Variants in CACNA1F observed in about 807,000 individuals in gnomAD.
CACNA1F encodes calcium voltage-gated channel subunit alpha1 F.
In CACNA1F, 59 loss-of-function variants were observed where a neutral mutation model predicts 143.8. That is an observed-to-expected ratio of 0.41 (90% CI 0.33 to 0.51). CACNA1F has a LOEUF of 0.51. Ranked by LOEUF, CACNA1F falls within the 20% of genes least tolerant of loss-of-function variation. CACNA1F has a pLI of 0.22. For synonymous variants in CACNA1F, 643 were observed against 649.1 expected (o/e 0.99, Z 0.14); for missense variants, 1,411 against 1,647.5 (o/e 0.86, Z 2.48).
At chrX:49,222,661 T>G in intron 16 of CACNA1F, 57 bp downstream of exon 16, 4 of 1,208,168 alleles carry the variant, frequency 3.3e-6, no homozygotes, top group Non-Finnish European at 4.5e-6. Context: ...GACCACCCAG[T>G]TCCCCTTACC....
intron 15 of CACNA1F, 25 bp downstream of exon 15, chrX:49,222,904 C>A (rs201607821): frequency 1.7e-6 from 2 of 1,204,636 alleles, no homozygotes; most frequent in Non-Finnish European, 2.2e-6. Flanking sequence ...CCCGACCCAC[C>A]CATCCCATGG....
At chrX:49,213,986 A>AG (rs2065684435) in intron 30 of CACNA1F, 84 bp from the exon 31 acceptor site, 1 of 709,288 alleles carries the variant, frequency 1.4e-6, no homozygotes, top group Non-Finnish European at 2.2e-6. Flanking sequence ...GGGGCGCCGG[A>AG]GGGGGGCAGG....
chrX:49,207,100 C>A lies in CACNA1F; in HGVS notation c.5136G>T (p.Gly1712=), dbSNP rs1557105125. Residue 1712 remains glycine, a synonymous_variant, in exon 44 of 48, where the codon GGG becomes GGT. Transcript: ENST00000323022. The part of the protein sequence containing the change: ...AGSNTHRRGS[G]ALIFTIPEEG... ...CTTCTGGGATGGTGAAAATGAGAGCCCCAGAGCCTCTCCTGGGGAAAGGGA... is the reference window on the plus strand; with the variant it reads ...CTTCTGGGATGGTGAAAATGAGAGCACCAGAGCCTCTCCTGGGGAAAGGGA... The A allele has an allele frequency of 1.7e-6, 2 of 1,175,267 alleles. No homozygotes were observed. The highest frequency in any genetic ancestry group is 2.3e-6 in the Non-Finnish European group (2 of 870,230).
At position 49,208,623 on chromosome X, in the gene CACNA1F, A is replaced by G. The variant is rs1557105471; in HGVS notation, c.5015T>C (p.Val1672Ala). 2 of 1,210,315 alleles carry G rather than the reference A, an allele frequency of 1.7e-6. No homozygotes were observed. Among genetic ancestry groups the G allele is most frequent in the Admixed American group, 2.2e-5 (1 of 45,960 alleles). ...GAGTGAATCTGGAAGTCTGTCCCCGACAGGCAGAGACACAGAAATCCCGGA... is the reference window on the plus strand; with the variant it reads ...GAGTGAATCTGGAAGTCTGTCCCCGGCAGGCAGAGACACAGAAATCCCGGA... ...RGSGISVSLPVGDRLPDSLSF... is the reference protein window; with the variant it reads ...RGSGISVSLPAGDRLPDSLSF... The change falls in exon 43 of 48, where the codon GTC becomes GCC. Residue 1672 changes from valine to alanine, a missense_variant. Physicochemically the swap from Val to Ala is moderately conservative, Grantham distance 64. Around this residue, in one of 3 missense-constraint regions of CACNA1F, gnomAD observed 349 missense variants for 350.2 expected, o/e 1.00. Transcript: ENST00000323022.
chrX:49,227,226 G>T, intron 8 of CACNA1F, 99 bp from the exon 9 acceptor site: 1 of 682,744 alleles, frequency 1.5e-6, no homozygotes, highest in Non-Finnish European at 2.3e-6. Flanking sequence ...CTTTGAATAT[G>T]CCAAGCACAT....
chrX:49,226,212 C>T lies in CACNA1F; in HGVS notation c.1490+5G>A, dbSNP rs1241177088. 2 of 1,204,342 alleles carry T rather than the reference C, an allele frequency of 1.7e-6. No individual in the cohort carries two copies. Among genetic ancestry groups the T allele is most frequent in the Non-Finnish European group, 2.2e-6 (2 of 890,036 alleles). ...TCAAGGATTTGCACAACTTTCCCAACTCACCAGACTCTGGTTTTCATGATC... is the reference window on the plus strand; with the variant it reads ...TCAAGGATTTGCACAACTTTCCCAATTCACCAGACTCTGGTTTTCATGATC... On this transcript the variant is annotated splice_donor_5th_base_variant and intron_variant, in intron 12 of 47. Coordinates refer to ENST00000323022, the MANE Select transcript of CACNA1F (RefSeq NM_001256789.3).
rs782224903 is a variant in CACNA1F at position 49,209,414 on chromosome X, G to C, written c.4822-21C>G. 2.5e-6 allele frequency: 3 copies of C among 1,205,499 alleles called. No individual in the cohort carries two copies. The South Asian group carries it at 5.3e-5, about 21-fold the overall frequency. On this transcript the variant is annotated intron_variant, in intron 41 of 47. Transcript: ENST00000323022. ...CCAGCCTGTGGGGGTGGAGAAATAGGTAAGCAGGCAGCTCAGGGTCTGAAC... is the reference window on the plus strand; with the variant it reads ...CCAGCCTGTGGGGGTGGAGAAATAGCTAAGCAGGCAGCTCAGGGTCTGAAC...
intron 43 of CACNA1F, 100 bp downstream of exon 43, chrX:49,208,415 T>TTCTTC: frequency 7.2e-6 from 1 of 138,734 alleles, no homozygotes; most frequent in African/African-American, 6.7e-5. Context: ...CTCTAGGCCC[T>TTCTTC]CCCTCCCACC....
At chrX:49,209,467 T>C in intron 41 of CACNA1F, 74 bp from the exon 42 acceptor site, 1 of 1,148,189 alleles carries the variant, frequency 8.7e-7, no homozygotes, top group Admixed American at 2.2e-5. Context: ...TGCAGGCGGG[T>C]AGGGTGGGGG....
Position 49,219,591 on chromosome X carries a change from C to T in CACNA1F, c.2543+43G>A, listed in dbSNP as rs1557108344. ...TGCTCCTCCATGCTCCTCCACCTGC[C>T]CTAGCCCCTCCTGCCTCACCCCCTG... is the stretch of plus-strand genomic sequence containing the variant. On this transcript the variant is annotated intron_variant, in intron 20 of 47. Coordinates refer to ENST00000323022, the MANE Select transcript of CACNA1F (RefSeq NM_001256789.3). 9 of 1,179,937 alleles carry T rather than the reference C, an allele frequency of 7.6e-6. No homozygotes were observed. The South Asian group carries it at 1.5e-4, about 20-fold the overall frequency.
chrX:49,209,159 T>C (rs782357655), intron 42 of CACNA1F, 103 bp downstream of exon 42: 92 of 988,027 alleles, frequency 9.3e-5, no homozygotes, highest in Non-Finnish European at 1.3e-4. Flanking sequence ...CAGAGGGGGC[T>C]TCTCTGGGGG....
intron 43 of CACNA1F, among the ~76,000 whole-genome samples, chrX:49,207,588 G>T (rs782152717): frequency 9.2e-6 from 1 of 109,206 alleles, no homozygotes; most frequent in African/African-American, 3.3e-5. Flanking sequence ...GTGCCACCAT[G>T]CTCGGCTATT....
chrX:49,226,828 T>C (rs1557110111), intron 9 of CACNA1F, 126 bp from the exon 10 acceptor site: 1 of 1,012,570 alleles, frequency 9.9e-7, no homozygotes, highest in African/African-American at 1.9e-5. Flanking sequence ...TTTTGAGCCA[T>C]AACTTGGGGG....
At chrX:49,224,706 G>T in intron 14 of CACNA1F, 55 bp downstream of exon 14, 1 of 729,805 alleles carries the variant, frequency 1.4e-6, no homozygotes, top group Non-Finnish European at 2.1e-6. Context: ...GAGCTTGGGT[G>T]GGGGTGTTGA....
intron 43 of CACNA1F, among the ~76,000 whole-genome samples, chrX:49,207,741 T>C (rs2065612823): frequency 1.8e-5 from 2 of 110,251 alleles, no homozygotes; most frequent in African/African-American, 3.3e-5. Context: ...AGCTAGACAC[T>C]CTGAAATTTT....
At chrX:49,209,473 G>C (rs1461361323) in intron 41 of CACNA1F, 80 bp from the exon 42 acceptor site, 17 of 1,128,316 alleles carry the variant, frequency 1.5e-5, no homozygotes, top group Middle Eastern at 3.2e-4. Context: ...CGGGTAGGGT[G>C]GGGGAAGGAG....
Position 49,226,928 on chromosome X carries a change from G to A in CACNA1F, c.1276+42C>T. ...CATGCAGGGAATGGGCCAGATTGGA[G>A]TTGCCTACGATGGCCCGCCCGGCCC... On this transcript the variant is annotated intron_variant, in intron 9 of 47. Coordinates refer to ENST00000323022, the MANE Select transcript of CACNA1F (RefSeq NM_001256789.3). 2 of 1,209,955 alleles carry A rather than the reference G, an allele frequency of 1.7e-6. No homozygotes were observed. The highest frequency in any genetic ancestry group is 1.8e-5 in the South Asian group (1 of 56,762).
intron 19 of CACNA1F, 73 bp from the exon 20 acceptor site, chrX:49,219,863 C>T (rs1186988515): frequency 4.8e-6 from 3 of 628,155 alleles, no homozygotes; most frequent in Middle Eastern, 3.6e-4. Context: ...GTGTTTGCCA[C>T]GTGGTCAATT....
chrX:49,226,241 T>C lies in CACNA1F; in HGVS notation c.1466A>G (p.Asn489Ser). ...CCAGACTCTGGTTTTCATGATCTTG[T>C]TTCTGAAAAAGAAGGGGGATGGGAG... Reference protein sequence around the residue: ...GALASCTRCLNKIMKTRVCRR... With the variant: ...GALASCTRCLSKIMKTRVCRR... Residue 489 changes from asparagine to serine, a missense_variant and splice_region_variant, in exon 12 of 48, where the codon AAC (asparagine) becomes AGC (serine). This residue lies in a region of CACNA1F where 950 missense variants were observed against 1,128.1 expected (regional missense o/e 0.84). Transcript: ENST00000323022. 1.7e-6 allele frequency: 2 copies of C among 1,206,918 alleles called. No individual in the cohort carries two copies. Among genetic ancestry groups the C allele is most frequent in the South Asian group, 1.8e-5 (1 of 56,815 alleles).
Sources: gnomAD v4.1 joint callset for allele counts (sites outside exome capture counted in the v4.1 genomes callset) on GRCh38, gnomAD v4.1.1 for gene constraint, gnomAD v4.1.1 regional missense constraint, MANE v1.5 for transcripts, NCBI Gene and HGNC (gene_info 2026-07-23, HGNC 2026-07-21) for gene names.